The following SP100 variants were observed in gnomAD, a reference collection of about 807,000 sequenced individuals.
SP100 encodes the protein SP100 nuclear body protein, also known as nuclear autoantigen Sp-100.
Under a neutral mutation model 130.0 loss-of-function variants are expected in SP100, and 84 were observed. The ratio of observed to expected loss-of-function variants is 0.65; its 90% CI spans 0.54 to 0.77. The LOEUF (loss-of-function observed/expected upper bound fraction) is 0.77, where lower values mean the gene tolerates loss of function less well. SP100 is among the 30% of genes least tolerant of loss of function. The pLI is 0.00. For synonymous variants in SP100, 331 were observed against 351.7 expected (o/e 0.94, Z 0.66); for missense variants, 978 against 1,052.2 (o/e 0.93, Z 0.97).
intron 8 of SP100, among the ~76,000 whole-genome samples, chr2:230,457,421 TG>T (rs2064336501): frequency 6.6e-6 from 1 of 152,198 alleles, no homozygotes; most frequent in African/African-American, 2.4e-5. Flanking sequence ...AGGGCTGGCC[TG>T]AGTCCTGGGG....
intron 8 of SP100, among the ~76,000 whole-genome samples, chr2:230,453,492 T>C (rs1476579030): frequency 1.3e-5 from 2 of 152,222 alleles, no homozygotes; most frequent in Non-Finnish European, 2.9e-5. Flanking sequence ...ATTTCTTCTA[T>C]ATCTATTTTG....
intron 24 of SP100, among the ~76,000 whole-genome samples, chr2:230,526,188 C>T (rs1316419336): frequency 2.0e-5 from 3 of 152,138 alleles, no homozygotes; most frequent in African/African-American, 4.8e-5. Context: ...GCAGGTGCCC[C>T]TCCGGGATGA....
At chr2:230,432,617 T>C (rs1225688291) in intron 2 of SP100, among the ~76,000 whole-genome samples, 1 of 152,188 alleles carries the variant, frequency 6.6e-6, no homozygotes, top group Non-Finnish European at 1.5e-5. Context: ...CTACTGAACA[T>C]CTTTTCACAT....
intron 21 of SP100, 58 bp from the exon 22 acceptor site, chr2:230,506,245 G>A (rs1559525775): frequency 3.8e-6 from 6 of 1,593,652 alleles, no homozygotes; most frequent in Non-Finnish European, 4.3e-6. Context: ...CAGCATGGGG[G>A]GAGGCCAAGT....
At chr2:230,514,053 CAATAG>C (rs1460258368) in intron 24 of SP100, among the ~76,000 whole-genome samples, 3 of 150,556 alleles carry the variant, frequency 2.0e-5, no homozygotes, top group Non-Finnish European at 3.0e-5. Flanking sequence ...CTTGAAAACA[CAATAG>C]AATAAAGAAA....
At position 230,498,579 on chromosome 2, in the gene SP100, C is replaced by A. The variant is rs761950898; in HGVS notation, c.1720+44C>A. On this transcript the variant is annotated intron_variant, in intron 19 of 28. Coordinates refer to ENST00000340126, the MANE Select transcript of SP100 (RefSeq NM_001080391.2). ...ATTTTAAATAAATAACGTCTAAATT[C>A]TCATGCTCTTAGTAAGAAACATTTT... 6.4e-6 allele frequency: 7 copies of A among 1,094,634 alleles called. No homozygotes were observed. In the South Asian group the frequency reaches 1.1e-4, roughly 17 times the overall value. The allele number at this position is 1,094,634 out of a possible 1,614,324, so 67.8% of individuals were successfully genotyped here.
At chr2:230,540,036 C>A (rs2150116723) in intron 25 of SP100, among the ~76,000 whole-genome samples, 1 of 152,302 alleles carries the variant, frequency 6.6e-6, no homozygotes. Flanking sequence ...ATGTGACCCA[C>A]CTGCTCCCAG....
intron 2 of SP100, 108 bp downstream of exon 2, chr2:230,417,773 T>G (rs1300477492): frequency 6.8e-6 from 10 of 1,462,684 alleles, no homozygotes; most frequent in Non-Finnish European, 9.1e-6. Context: ...CTTCTATAAA[T>G]TGCTTGTTTG....
chr2:230,467,190 A>C lies in SP100; in HGVS notation c.1266A>C (p.Ala422=), dbSNP rs143922616. 133 of 1,613,688 alleles carry C rather than the reference A, an allele frequency of 8.2e-5. No homozygotes were observed. The highest frequency in any genetic ancestry group is 1.1e-4 in the Non-Finnish European group (128 of 1,179,714). ...EEAPAEASSG[A]LRSKHGEKAP... is the part of the protein sequence containing the mutation. ...CGCCCGCAGAAGCCTCGAGCGGGGC[A>C]CTGAGAAGCAAGCATGGTGAGAAGG... Residue 422 remains alanine (A), a synonymous_variant, in exon 13 of 29, where the codon GCA becomes GCC. Coordinates refer to ENST00000340126, the MANE Select transcript of SP100 (RefSeq NM_001080391.2).
Position 230,426,557 on chromosome 2 carries a change from T to C in SP100, c.107+8892T>C, listed in dbSNP as rs1042598481. 2.4e-4 allele frequency among the ~76,000 whole-genome samples: 37 copies of C among 152,224 alleles called. 2 individuals are homozygous for C. Among genetic ancestry groups the C allele is most frequent in the Non-Finnish European group, 5.9e-5 (4 of 68,028 alleles). On this transcript the variant is annotated intron_variant, in intron 2 of 28. Coordinates refer to ENST00000340126, the MANE Select transcript of SP100 (RefSeq NM_001080391.2). ...TATTCCGTACAGAAGTTATGAATTC[T>C]TCAAATTTCCTCCTGTTATGGATTT... is the stretch of plus-strand genomic sequence containing the variant.
At chr2:230,458,577 T>C (rs553206927) in intron 8 of SP100, among the ~76,000 whole-genome samples, 1 of 152,182 alleles carries the variant, frequency 6.6e-6, no homozygotes. Context: ...AGTTGTTGAA[T>C]AGAAATATGT....
At chr2:230,515,911 C>A (rs1391864501) in intron 24 of SP100, 16 of 1,149,274 alleles carry the variant, frequency 1.4e-5, no homozygotes, top group Non-Finnish European at 1.7e-5. Flanking sequence ...TAGTGCACAG[C>A]ACAAATTAGT....
intron 5 of SP100, 38 bp downstream of exon 5, chr2:230,446,940 G>A (rs1197044559): frequency 7.9e-7 from 1 of 1,260,848 alleles, no homozygotes; most frequent in East Asian, 2.4e-5. Flanking sequence ...TCTAAGAGAG[G>A]TTAGGGATCC....
intron 2 of SP100, among the ~76,000 whole-genome samples, chr2:230,441,583 A>C (rs2063469446): frequency 6.6e-6 from 1 of 152,222 alleles, no homozygotes; most frequent in South Asian, 2.1e-4. Flanking sequence ...ACTGTTCAAC[A>C]CATCAACATG....
intron 17 of SP100, among the ~76,000 whole-genome samples, chr2:230,488,649 A>G (rs1052102109): frequency 2.6e-5 from 4 of 152,156 alleles, no homozygotes; most frequent in African/African-American, 7.2e-5. Flanking sequence ...TCCTGACCTC[A>G]TGATCCAACC....
At chr2:230,513,644 A>C (rs555984728) in intron 24 of SP100, among the ~76,000 whole-genome samples, 1 of 152,096 alleles carries the variant, frequency 6.6e-6, no homozygotes, top group Non-Finnish European at 1.5e-5. Context: ...TCGGTGGGGG[A>C]AAAAAACCTT....
chr2:230,453,574 A>G (rs58742879), intron 8 of SP100, among the ~76,000 whole-genome samples: 13,810 of 152,166 alleles, frequency 0.091, 707 homozygotes, highest in Non-Finnish European at 0.11. Context: ...AGATGATCAT[A>G]TGGTTTTTGT....
At chr2:230,472,242 A>G (rs995585239) in intron 15 of SP100, among the ~76,000 whole-genome samples, 1 of 151,708 alleles carries the variant, frequency 6.6e-6, no homozygotes, top group Non-Finnish European at 1.5e-5. Context: ...TCCTGGCTAA[A>G]ACGGTGAAAC....
chr2:230,512,221 A>G (rs1690641591), intron 24 of SP100, among the ~76,000 whole-genome samples: 1 of 151,818 alleles, frequency 6.6e-6, no homozygotes, highest in Admixed American at 6.6e-5. Flanking sequence ...GAGTGACTCA[A>G]TAAAACACAC....
Sources: gnomAD v4.1 joint callset for allele counts (sites outside exome capture counted in the v4.1 genomes callset) on GRCh38, gnomAD v4.1.1 for gene constraint, MANE v1.5 for transcripts, NCBI Gene and HGNC (gene_info 2026-07-23, HGNC 2026-07-21) for gene names.